ASPG: variants seen among roughly 807,000 people sequenced by gnomAD.
The protein encoded by ASPG is asparaginase, also known as 60 kDa lysophospholipase.
ASPG carries 53 observed loss-of-function variants against 63.2 expected under a neutral mutation model. That is an observed-to-expected ratio of 0.84 (90% CI 0.67 to 1.05). The LOEUF (loss-of-function observed/expected upper bound fraction) is 1.05. Among genes scored for constraint, ASPG ranks in the 50% least tolerant of loss-of-function variants. The pLI, the probability that ASPG is intolerant of heterozygous loss-of-function variation, is 0.00. For synonymous variants in ASPG, 370 were observed against 355.0 expected, an observed-to-expected ratio of 1.04 and a Z score of -0.48; for missense variants, 741 against 794.4, an observed-to-expected ratio of 0.93 and a Z score of 0.81.
chr14:104,099,126 C>A, intron 6 of ASPG, 147 bp downstream of exon 6: 1 of 1,336,766 alleles, frequency 7.5e-7, no homozygotes, highest in Non-Finnish European at 1.0e-6. Context: ...CTGCCCTGGG[C>A]TGTGGAGAAG....
At position 104,103,548 on chromosome 14, in the gene ASPG, C is replaced by T. The variant is rs2036976096; in HGVS notation, c.641-15C>T. Reference sequence around the variant, plus strand: ...GAGGCCTGAAGGCACCACACAGGCCCTTCCCTGTCCTCAGTCAACAGGGAG... The same window carrying T: ...GAGGCCTGAAGGCACCACACAGGCCTTTCCCTGTCCTCAGTCAACAGGGAG... On this transcript the variant is annotated splice_polypyrimidine_tract_variant and intron_variant, in intron 6 of 15. Coordinates refer to ENST00000551177, the MANE Select transcript of ASPG (RefSeq NM_001080464.3). 1 of 1,545,858 alleles carries T rather than the reference C, an allele frequency of 6.5e-7. No individual in the cohort carries two copies.
At chr14:104,092,334 G>A (rs1596065643) in intron 1 of ASPG, among the ~76,000 whole-genome samples, 2 of 152,292 alleles carry the variant, frequency 1.3e-5, no homozygotes, top group South Asian at 4.1e-4. Flanking sequence ...AAGGAGGTGG[G>A]AGCAGGGGCA....
intron 6 of ASPG, among the ~76,000 whole-genome samples, chr14:104,100,166 G>A (rs2141016255): frequency 6.6e-6 from 1 of 152,312 alleles, no homozygotes; most frequent in Admixed American, 6.5e-5. Context: ...ACAGCTTCCT[G>A]GAAGAATCCC....
chr14:104,107,094 T>C, intron 11 of ASPG, 88 bp from the exon 12 acceptor site: 1 of 1,477,288 alleles, frequency 6.8e-7, no homozygotes, highest in Non-Finnish European at 9.1e-7. Context: ...TGCTGGGCCC[T>C]ACCCTCAGAG....
chr14:104,085,845 G>A lies in ASPG; in HGVS notation c.75G>A (p.Glu25=), dbSNP rs1456202839. 1.3e-6 allele frequency: 2 copies of A among 1,585,362 alleles called. No individual in the cohort carries two copies. Among genetic ancestry groups the A allele is most frequent in the Non-Finnish European group, 1.7e-6 (2 of 1,172,268 alleles). The change falls in exon 1 of 16, where the codon GAG becomes GAA. Residue 25 remains glutamate, a synonymous_variant. Coordinates refer to ENST00000551177, the MANE Select transcript of ASPG (RefSeq NM_001080464.3). The part of the protein sequence containing the change: ...YTGGTIGMRS[E]LGVLVPGTGL... ...GCGGCACCATTGGCATGCGGAGTGA[G>A]CTCGGCGGTGAGTCCGAGACCCTGG...
chr14:104,099,716 G>T (rs2036787545), intron 6 of ASPG, among the ~76,000 whole-genome samples: 1 of 152,214 alleles, frequency 6.6e-6, no homozygotes, highest in Non-Finnish European at 1.5e-5. Context: ...TGAGGCAGCG[G>T]GAGCATCCCC....
chr14:104,108,847 G>A (rs1393541256), intron 12 of ASPG: 2 of 985,312 alleles, frequency 2.0e-6, no homozygotes, highest in Non-Finnish European at 2.4e-6. Flanking sequence ...GCTCATGTAA[G>A]GCTGTCCTCT....
Position 104,104,503 on chromosome 14 carries a change from A to AG in ASPG, c.936+20dup. Reference sequence around the variant, plus strand: ...GCTGGCATGGTAGTGCCGGGAGATCAGGGCCTAGCGGGGAAGGGGACAGCC... The same window carrying AG: ...GCTGGCATGGTAGTGCCGGGAGATCAGGGGCCTAGCGGGGAAGGGGACAGCC... On this transcript the variant is annotated intron_variant, in intron 8 of 15. Coordinates refer to ENST00000551177, the MANE Select transcript of ASPG (RefSeq NM_001080464.3). 6.2e-7 allele frequency: 1 copy of AG among 1,609,376 alleles called. No individual in the cohort carries two copies. Among genetic ancestry groups the AG allele is most frequent in the Non-Finnish European group, 8.5e-7 (1 of 1,177,590 alleles).
chr14:104,097,675 G>C, intron 5 of ASPG, 38 bp downstream of exon 5: 1 of 1,542,896 alleles, frequency 6.5e-7, no homozygotes. Context: ...GGCAGGTGGG[G>C]TGGGGGCAGG....
rs776323643 is a variant in ASPG, at chr14:104,095,522, C to A, written c.304-9C>A. 1.8e-5 allele frequency: 29 copies of A among 1,612,632 alleles called. No homozygotes were observed. Among genetic ancestry groups the A allele is most frequent in the Non-Finnish European group, 2.4e-5 (28 of 1,179,714 alleles). On this transcript the variant is annotated splice_polypyrimidine_tract_variant and intron_variant, in intron 3 of 15. Coordinates refer to ENST00000551177, the MANE Select transcript of ASPG (RefSeq NM_001080464.3). ...GGCTGGCCTGCCTGAGCATGCGCCC[C>A]TCCTGCAGAGGCACTACGAGCAGTA...
chr14:104,092,148 C>T (rs2036387448), intron 1 of ASPG, among the ~76,000 whole-genome samples: 1 of 152,116 alleles, frequency 6.6e-6, no homozygotes, highest in Admixed American at 6.5e-5. Context: ...GCACTACAGC[C>T]TGGGCATCTG....
chr14:104,093,697 AGTGGGCAGGGCTGTTGGGTG>A (rs2036462712), intron 3 of ASPG, 95 bp downstream of exon 3: 2 of 480,864 alleles, frequency 4.2e-6, no homozygotes, highest in Non-Finnish European at 5.5e-6. Flanking sequence ...GGCTGTGGAG[AGTGGGCAGGGCTGTTGGGTG>A]TGAGTGGGGC....
intron 3 of ASPG, among the ~76,000 whole-genome samples, chr14:104,094,801 C>T (rs1276268180): frequency 6.6e-6 from 1 of 152,224 alleles, no homozygotes; most frequent in African/African-American, 2.4e-5. Flanking sequence ...GGTGGCCCAG[C>T]CTGCCGTCTT....
At chr14:104,101,617 C>T (rs1164722922) in intron 6 of ASPG, among the ~76,000 whole-genome samples, 1 of 152,220 alleles carries the variant, frequency 6.6e-6, no homozygotes, top group African/African-American at 2.4e-5. Flanking sequence ...TCTGCTGGGG[C>T]CCTTGGAGCA....
chr14:104,112,635 T>G lies in ASPG; in HGVS notation c.*91T>G. The G allele has an allele frequency of 6.4e-7, 1 of 1,561,436 alleles. No individual in the cohort carries two copies. The highest frequency in any genetic ancestry group is 8.6e-7 in the Non-Finnish European group (1 of 1,158,556). ...GCATGACCCCACTGCTGGGGCTGCT[T>G]CCCAGCCTGCTCTCATGTAAAGCCT... On this transcript the variant is annotated 3_prime_UTR_variant, in exon 16 of 16. Coordinates refer to ENST00000551177, the MANE Select transcript of ASPG (RefSeq NM_001080464.3).
chr14:104,107,255 A>T lies in ASPG; in HGVS notation c.1343A>T (p.Glu448Val). Residue 448 changes from glutamate (E) to valine (V), a missense_variant, in exon 12 of 16, where the codon GAG (glutamate) becomes GTG (valine). Physicochemically the swap from Glu to Val is moderately radical, Grantham distance 121. Coordinates refer to ENST00000551177, the MANE Select transcript of ASPG (RefSeq NM_001080464.3). Reference protein sequence around the residue: ...LHAAARGGHTEAVTMLLQRGV... With the variant: ...LHAAARGGHTVAVTMLLQRGV... ...GCGGCCGCCCGGGGAGGCCACACAGAGGCAGTCACCATGCTGCTGCAGAGA... is the reference window on the plus strand; with the variant it reads ...GCGGCCGCCCGGGGAGGCCACACAGTGGCAGTCACCATGCTGCTGCAGAGA... 6.2e-7 allele frequency: 1 copy of T among 1,608,848 alleles called. No individual in the cohort carries two copies. The highest frequency in any genetic ancestry group is 8.5e-7 in the Non-Finnish European group (1 of 1,177,446).
chr14:104,104,311 C>A lies in ASPG; in HGVS notation c.761C>A (p.Ala254Asp). Residue 254 changes from alanine (A) to aspartate (D), a missense_variant, in exon 8 of 16, where the codon GCC (alanine) becomes GAC (aspartate). Transcript: ENST00000551177. Reference sequence around the variant, plus strand: ...CACCCCACCGCCCCACAGGTTCGGGCCTTCTTGCAGCCTCCCCTGAAGGGC... The same window carrying A: ...CACCCCACCGCCCCACAGGTTCGGGACTTCTTGCAGCCTCCCCTGAAGGGC... ...YPGIPAALVR[A>D]FLQPPLKGVV... 6.2e-7 allele frequency: 1 copy of A among 1,611,120 alleles called. No homozygotes were observed. Among genetic ancestry groups the A allele is most frequent in the Non-Finnish European group, 8.5e-7 (1 of 1,178,884 alleles).
In ASPG at chr14:104,110,241, G is replaced by C. The variant is rs932104586; in HGVS notation, c.1520+926G>C. On this transcript the variant is annotated intron_variant, in intron 13 of 15. Transcript: ENST00000551177. The surrounding 1 kb of genome is among the most constrained non-coding windows in gnomAD (Gnocchi z 4.7). ...AGAGTCCCAGGCTTGGGGAGTGGGT[G>C]ATGGCGGGGGCTCGGCTCACTGGCT... 21 of 984,980 alleles carry C rather than the reference G, an allele frequency of 2.1e-5. No homozygotes were observed. The highest frequency in any genetic ancestry group is 2.5e-5 in the Non-Finnish European group (21 of 829,754). 61.0% of individuals were successfully genotyped at this position (984,980 alleles called of 1,614,324 possible).
intron 11 of ASPG, 73 bp from the exon 12 acceptor site, chr14:104,107,109 C>A: frequency 1.3e-6 from 2 of 1,504,672 alleles, no homozygotes; most frequent in Non-Finnish European, 1.8e-6. Flanking sequence ...TCAGAGGGAC[C>A]CCACCCTCCC....
Sources: allele counts gnomAD v4.1 joint callset (sites outside exome capture counted in the v4.1 genomes callset), GRCh38; gene constraint gnomAD v4.1.1; non-coding constraint Gnocchi (gnomAD v3.1); transcripts MANE v1.5; gene names NCBI Gene and HGNC (gene_info 2026-07-23, HGNC 2026-07-21).